Variants in MED13L observed in about 807,000 individuals in gnomAD.
The protein encoded by MED13L is mediator complex subunit 13L, also known as mediator of RNA polymerase II transcription subunit 13-like.
Under a neutral mutation model 220.9 loss-of-function variants are expected in MED13L, and 7 were observed. The observed-to-expected ratio is 0.03, with a 90% CI of 0.02 to 0.06. The LOEUF (loss-of-function observed/expected upper bound fraction) is 0.06. MED13L is among the 10% of genes least tolerant of loss of function. The probability of loss-of-function intolerance (pLI) is 1.00; values close to 1 mark genes in which losing one functional copy is unlikely to be tolerated. For missense variants in MED13L, 1,965 were observed against 2,760.5 expected, an observed-to-expected ratio of 0.71 and a Z score of 6.46; for synonymous variants, 1,011 against 1,015.2, an observed-to-expected ratio of 1.00 and a Z score of 0.08.
In MED13L at chr12:116,063,422, G is replaced by A. The variant is rs556357866; in HGVS notation, c.479+33247C>T. ...AGTCCCAGCCACTTGGGTGGCTGAGGTGGGAGGATTCCTTGAACCCAGGAG... is the reference window on the plus strand; with the variant it reads ...AGTCCCAGCCACTTGGGTGGCTGAGATGGGAGGATTCCTTGAACCCAGGAG... On this transcript the variant is annotated intron_variant, in intron 4 of 30. Coordinates refer to ENST00000281928, the MANE Select transcript of MED13L (RefSeq NM_015335.5). Among the ~76,000 whole-genome samples, 8 of 152,316 alleles carry A rather than the reference G, an allele frequency of 5.3e-5. No individual in the cohort carries two copies. In the East Asian group the frequency reaches 1.5e-3, roughly 29 times the overall value.
intron 22 of MED13L, 36 bp from the exon 23 acceptor site, chr12:115,980,974 A>C: frequency 6.4e-7 from 1 of 1,572,972 alleles, no homozygotes; most frequent in Non-Finnish European, 8.6e-7. Context: ...ACAAAAACCA[A>C]AAACCTAGAA....
chr12:116,270,885 T>C (rs1873252045), intron 1 of MED13L, among the ~76,000 whole-genome samples: 2 of 148,778 alleles, frequency 1.3e-5, no homozygotes, highest in Middle Eastern at 3.5e-3. Flanking sequence ...TACTAAAAAA[T>C]ACAAAAATTA....
At chr12:116,187,917 A>C (rs1363261107) in intron 2 of MED13L, among the ~76,000 whole-genome samples, 2 of 152,080 alleles carry the variant, frequency 1.3e-5, no homozygotes, top group Non-Finnish European at 2.9e-5. Context: ...TGTCAACAGA[A>C]ATCAGTGAAA....
chr12:116,130,106 TTCTTAA>T (rs1386923992), intron 2 of MED13L, among the ~76,000 whole-genome samples: 1 of 152,126 alleles, frequency 6.6e-6, no homozygotes, highest in Non-Finnish European at 1.5e-5. Flanking sequence ...ACCAACAGGT[TTCTTAA>T]ACTCACAAAA....
chr12:116,218,956 A>G (rs1883160556), intron 2 of MED13L, among the ~76,000 whole-genome samples: 1 of 152,132 alleles, frequency 6.6e-6, no homozygotes, highest in Non-Finnish European at 1.5e-5. Flanking sequence ...GGCTGGTCTC[A>G]AACTCCTGAC....
At chr12:115,961,463 T>C in intron 30 of MED13L, 65 bp from the exon 31 acceptor site, 1 of 1,593,730 alleles carries the variant, frequency 6.3e-7, no homozygotes, top group Non-Finnish European at 8.6e-7. Flanking sequence ...TCTCAGATTC[T>C]AATACATTCC....
Position 116,195,643 on chromosome 12 carries a change from A to T in MED13L, c.310+41825T>A, listed in dbSNP as rs529581726. Among the ~76,000 whole-genome samples, 8 of 151,730 alleles carry T rather than the reference A, an allele frequency of 5.3e-5. No individual in the cohort carries two copies. In the East Asian group the frequency reaches 1.6e-3, roughly 30 times the overall value. On this transcript the variant is annotated intron_variant, in intron 2 of 30. Coordinates refer to ENST00000281928, the MANE Select transcript of MED13L (RefSeq NM_015335.5). ...TTTTTGTATTTTCAGTAGAGACAGG[A>T]TTTTGCCATGTTGGCCAGGCTGGTC...
chr12:116,074,538 A>T (rs1254485348), intron 4 of MED13L, among the ~76,000 whole-genome samples: 1 of 152,212 alleles, frequency 6.6e-6, no homozygotes, highest in Non-Finnish European at 1.5e-5. Flanking sequence ...TTTCTTCCAT[A>T]ACTCTAAGTT....
At chr12:116,046,378 G>C (rs951250288) in intron 4 of MED13L, among the ~76,000 whole-genome samples, 21 of 151,826 alleles carry the variant, frequency 1.4e-4, no homozygotes, top group Non-Finnish European at 2.8e-4. Flanking sequence ...AAAATCTAAA[G>C]CCAAATGGAT....
rs118046463 is a variant in MED13L, at chr12:116,204,238, T to A, written c.310+33230A>T. 4.3e-4 allele frequency among the ~76,000 whole-genome samples: 65 copies of A among 152,326 alleles called. No individual in the cohort carries two copies. The East Asian group carries it at 0.011, about 27-fold the overall frequency. On this transcript the variant is annotated intron_variant, in intron 2 of 30. Transcript: ENST00000281928. ...TTACGGACCATAATCTATCAATCTT[T>A]CTACTTTGAGAGAGAACAAAATTTA...
At chr12:116,252,421 C>A (rs758481983) in intron 1 of MED13L, among the ~76,000 whole-genome samples, 6 of 151,960 alleles carry the variant, frequency 3.9e-5, no homozygotes, top group Non-Finnish European at 7.4e-5. Flanking sequence ...TGCCTGTGGT[C>A]CCAGGTACTC....
chr12:116,087,829 T>G (rs1033897337), intron 4 of MED13L, among the ~76,000 whole-genome samples: 9 of 152,094 alleles, frequency 5.9e-5, no homozygotes, highest in Non-Finnish European at 1.3e-4. Flanking sequence ...AAATGTTAAC[T>G]CCAAATATAT....
At chr12:116,232,085 C>A in intron 2 of MED13L, 1 of 985,314 alleles carries the variant, frequency 1.0e-6, no homozygotes, top group Non-Finnish European at 1.2e-6. Flanking sequence ...GAAAACAGAT[C>A]CATTTTTCCA....
chr12:116,240,328 C>T (rs1217362157), intron 1 of MED13L, among the ~76,000 whole-genome samples: 1 of 152,016 alleles, frequency 6.6e-6, no homozygotes, highest in Non-Finnish European at 1.5e-5. Flanking sequence ...AACTCCTAAC[C>T]TCAAGCGGTC....
chr12:116,172,402 G>A (rs990595053), intron 2 of MED13L, among the ~76,000 whole-genome samples: 2 of 152,152 alleles, frequency 1.3e-5, no homozygotes, highest in African/African-American at 4.8e-5. Flanking sequence ...CACTGCCGCA[G>A]ATATTTTTTT....
intron 4 of MED13L, among the ~76,000 whole-genome samples, chr12:116,033,623 G>A (rs141916356): frequency 3.2e-4 from 49 of 152,196 alleles, no homozygotes; most frequent in African/African-American, 1.2e-3. Context: ...GTACCTCTGG[G>A]TAAATATGGT....
chr12:115,997,057 T>C lies in MED13L; in HGVS notation c.2743A>G (p.Met915Val). The change falls in exon 15 of 31, where the codon ATG (methionine) becomes GTG (valine). Residue 915 changes from methionine to valine, a missense_variant. Met to Val is a conservative substitution (Grantham distance 21). Around this residue, in one of 10 missense-constraint regions of MED13L, gnomAD observed 233 missense variants for 306.2 expected, o/e 0.76. Transcript: ENST00000281928. ...MVSTQLTEFKMEVEDGLGSPK... is the reference protein window; with the variant it reads ...MVSTQLTEFKVEVEDGLGSPK... ...CTTCCTAATCCATCTTCCACTTCCATTTTGAATTCTGTGAGTTGTGTTGAA... is the reference window on the plus strand; with the variant it reads ...CTTCCTAATCCATCTTCCACTTCCACTTTGAATTCTGTGAGTTGTGTTGAA... The C allele has an allele frequency of 1.2e-6, 2 of 1,614,116 alleles. No individual in the cohort carries two copies. The highest frequency in any genetic ancestry group is 1.7e-6 in the Non-Finnish European group (2 of 1,179,982).
intron 1 of MED13L, among the ~76,000 whole-genome samples, chr12:116,247,925 A>G (rs1393193511): frequency 6.6e-6 from 1 of 152,244 alleles, no homozygotes; most frequent in African/African-American, 2.4e-5. Flanking sequence ...AGCTACATTA[A>G]TAAAGGTAAG....
chr12:116,269,162 G>A (rs1012670013), intron 1 of MED13L, among the ~76,000 whole-genome samples: 19 of 152,082 alleles, frequency 1.2e-4, no homozygotes, highest in African/African-American at 4.1e-4. Flanking sequence ...TAGTTCAAGC[G>A]ATTCTCCTGT....
Sources: allele counts gnomAD v4.1 joint callset (sites outside exome capture counted in the v4.1 genomes callset), GRCh38; gene constraint gnomAD v4.1.1; regional missense constraint gnomAD v4.1.1; transcripts MANE v1.5; gene names NCBI Gene and HGNC (gene_info 2026-07-23, HGNC 2026-07-21).